ASTN2: variants seen among roughly 807,000 people sequenced by gnomAD.
ASTN2 encodes the protein astrotactin-2.
ASTN2 carries 54 observed loss-of-function variants against 139.8 expected under a neutral mutation model. The ratio of observed to expected loss-of-function variants is 0.39; its 90% confidence interval spans 0.31 to 0.48. The LOEUF (loss-of-function observed/expected upper bound fraction) is 0.48, where lower values mean the gene tolerates loss of function less well. Ranked by LOEUF, ASTN2 falls within the 20% of genes least tolerant of loss-of-function variation. The pLI is 0.95. For missense variants in ASTN2, 1,565 were observed against 1,725.1 expected (o/e 0.91, Z 1.64); for synonymous variants, 756 against 719.5 (o/e 1.05, Z -0.81).
intron 19 of ASTN2, among the ~76,000 whole-genome samples, chr9:116,534,258 C>G (rs1851505899): frequency 6.6e-6 from 1 of 152,176 alleles, no homozygotes; most frequent in East Asian, 1.9e-4. Context: ...CTCTTTTCTT[C>G]TTTATGAGTC....
intron 3 of ASTN2, among the ~76,000 whole-genome samples, chr9:117,206,369 A>G (rs1043028360): frequency 6.6e-6 from 1 of 152,274 alleles, no homozygotes; most frequent in Non-Finnish European, 1.5e-5. Context: ...TACAGTCCCT[A>G]CTACAGGAGA....
chr9:116,985,445 C>T (rs1426549966), intron 7 of ASTN2, among the ~76,000 whole-genome samples: 6 of 152,190 alleles, frequency 3.9e-5, no homozygotes, highest in African/African-American at 1.4e-4. Context: ...ACAGTCCATA[C>T]GGGGTGGTCA....
intron 2 of ASTN2, among the ~76,000 whole-genome samples, chr9:117,281,759 C>T (rs1834330810): frequency 6.6e-6 from 1 of 152,126 alleles, no homozygotes; most frequent in Admixed American, 6.5e-5. Flanking sequence ...CTCCCCTCTC[C>T]TTCCCTTCTC....
intron 16 of ASTN2, among the ~76,000 whole-genome samples, chr9:116,662,554 C>T (rs914879902): frequency 2.0e-5 from 3 of 152,054 alleles, no homozygotes; most frequent in East Asian, 3.9e-4. Context: ...GCCTGGGCAA[C>T]GAAAGTGAGA....
intron 10 of ASTN2, among the ~76,000 whole-genome samples, chr9:116,916,666 C>T (rs774274034): frequency 5.9e-5 from 9 of 151,922 alleles, no homozygotes; most frequent in Non-Finnish European, 1.0e-4. Context: ...CAAAGTGAGA[C>T]CCGTCTCTAC....
chr9:117,295,278 C>T (rs144761186), intron 1 of ASTN2, among the ~76,000 whole-genome samples: 5,804 of 152,124 alleles, frequency 0.038, 146 homozygotes, highest in South Asian at 0.11. Flanking sequence ...GCCAAGATTG[C>T]GCCACTGCAC....
intron 1 of ASTN2, among the ~76,000 whole-genome samples, chr9:117,339,010 G>A (rs1394716599): frequency 1.3e-5 from 2 of 152,070 alleles, no homozygotes; most frequent in Non-Finnish European, 2.9e-5. Context: ...CTGACTGCGG[G>A]TGATGATGGG....
At chr9:117,269,029 A>C (rs1451152317) in intron 2 of ASTN2, among the ~76,000 whole-genome samples, 1 of 152,246 alleles carries the variant, frequency 6.6e-6, no homozygotes, top group Non-Finnish European at 1.5e-5. Context: ...TAAGACAAGC[A>C]ATCAGCACAA....
At chr9:117,356,574 C>T (rs1829544236) in intron 1 of ASTN2, among the ~76,000 whole-genome samples, 1 of 152,192 alleles carries the variant, frequency 6.6e-6, no homozygotes, top group African/African-American at 2.4e-5. Context: ...TACAGTAAAA[C>T]AGTGATATCT....
intron 10 of ASTN2, among the ~76,000 whole-genome samples, chr9:116,913,275 T>C (rs1438524800): frequency 2.0e-5 from 3 of 152,332 alleles, no homozygotes; most frequent in Non-Finnish European, 4.4e-5. Context: ...ACACACTCCT[T>C]TTACTTTCCC....
intron 3 of ASTN2, among the ~76,000 whole-genome samples, chr9:117,146,475 G>GAAAAAAAAAAAAAAAAAAAAAAAAAAAAA (rs61356397): frequency 8.3e-6 from 1 of 120,674 alleles, no homozygotes; most frequent in Non-Finnish European, 1.7e-5. Context: ...GAAGAGGAGA[G>GAAAAAAAAAAAAAAAAAAAAAAAAAAAAA]AAAAAAAAAA....
chr9:116,723,164 CA>C lies in ASTN2; in HGVS notation c.2806+2606del, dbSNP rs34360377. ...TGGGTGACAGACTGAGACTCCGTCT[CA>C]AAAAAAAAAAATGAGGGTTGACCTC... On this transcript the variant is annotated intron_variant, in intron 16 of 22. Coordinates refer to ENST00000313400, the MANE Select transcript of ASTN2 (RefSeq NM_001365068.1). Among the ~76,000 whole-genome samples the C allele has an allele frequency of 2.9e-3, 398 of 139,300 alleles. 3 individuals are homozygous for C. Among genetic ancestry groups the C allele is most frequent in the African/African-American group, 8.7e-3 (331 of 38,040 alleles). 91.4% of individuals were successfully genotyped at this position (139,300 alleles called of 152,430 possible). A position where few individuals can be genotyped will look rare whatever the true frequency, so the allele number is the denominator to read the frequency against.
intron 3 of ASTN2, among the ~76,000 whole-genome samples, chr9:117,146,556 G>A (rs912365929): frequency 6.6e-6 from 1 of 151,720 alleles, no homozygotes; most frequent in African/African-American, 2.4e-5. Context: ...GGGGGTCTAA[G>A]ATGAGTGGGA....
intron 6 of ASTN2, among the ~76,000 whole-genome samples, chr9:117,034,053 T>C (rs1177515713): frequency 2.0e-5 from 3 of 152,170 alleles, no homozygotes; most frequent in African/African-American, 4.8e-5. Context: ...CCAAATCCTC[T>C]CACTTGAATA....
chr9:116,640,381 G>A (rs1195419849), intron 17 of ASTN2, among the ~76,000 whole-genome samples: 1 of 152,068 alleles, frequency 6.6e-6, no homozygotes, highest in Admixed American at 6.6e-5. Flanking sequence ...TAGAAAGTGT[G>A]ATAACTGTTA....
intron 17 of ASTN2, among the ~76,000 whole-genome samples, chr9:116,639,778 C>G (rs970333339): frequency 1.3e-5 from 2 of 152,214 alleles, no homozygotes; most frequent in Admixed American, 6.5e-5. Flanking sequence ...TGGCTACACT[C>G]TCTGAGTCTC....
At chr9:117,204,350 C>T (rs1016587429) in intron 3 of ASTN2, among the ~76,000 whole-genome samples, 6 of 152,192 alleles carry the variant, frequency 3.9e-5, no homozygotes, top group African/African-American at 9.6e-5. Flanking sequence ...GAGCCACTGT[C>T]CCTGGCTGCC....
intron 22 of ASTN2, among the ~76,000 whole-genome samples, chr9:116,427,835 C>T (rs1273560864): frequency 6.6e-6 from 1 of 152,074 alleles, no homozygotes; most frequent in African/African-American, 2.4e-5. Flanking sequence ...GGGCAAGTGC[C>T]CCCCCCAAGA....
intron 22 of ASTN2, among the ~76,000 whole-genome samples, chr9:116,433,657 G>A (rs1847563562): frequency 6.6e-6 from 1 of 152,182 alleles, no homozygotes; most frequent in South Asian, 2.1e-4. Context: ...AAGCTGGTGT[G>A]ATGAACTTGT....
Sources: gnomAD v4.1 joint callset for allele counts (sites outside exome capture counted in the v4.1 genomes callset) on GRCh38, gnomAD v4.1.1 for gene constraint, MANE v1.5 for transcripts, NCBI Gene and HGNC (gene_info 2026-07-23, HGNC 2026-07-21) for gene names.